DPP6: variants seen among roughly 807,000 people sequenced by gnomAD.
DPP6 encodes dipeptidyl peptidase like 6.
DPP6 carries 69 observed loss-of-function variants against 122.6 expected under a neutral mutation model. The ratio of observed to expected loss-of-function variants is 0.56; its 90% confidence interval spans 0.46 to 0.69. The LOEUF is 0.69. Among genes scored for constraint, DPP6 ranks in the 30% least tolerant of loss-of-function variants. The pLI is 0.00. For missense variants in DPP6, 928 were observed against 1,116.9 expected (o/e 0.83, Z 2.41); for synonymous variants, 418 against 433.1 (o/e 0.97, Z 0.43).
intron 3 of DPP6, among the ~76,000 whole-genome samples, chr7:154,503,090 T>C (rs1444640652): frequency 1.3e-5 from 2 of 152,198 alleles, no homozygotes; most frequent in Admixed American, 1.3e-4. Context: ...TTGCTTCCTC[T>C]GTTTCTGCTC....
intron 1 of DPP6, among the ~76,000 whole-genome samples, chr7:154,401,503 G>A (rs1186591184): frequency 6.6e-6 from 1 of 152,156 alleles, no homozygotes; most frequent in Non-Finnish European, 1.5e-5. Context: ...GAGCCACATA[G>A]GGTATGAAAG....
chr7:154,399,854 A>C (rs1486335186), intron 1 of DPP6, among the ~76,000 whole-genome samples: 2 of 152,228 alleles, frequency 1.3e-5, no homozygotes, highest in Admixed American at 6.5e-5. Context: ...GGGGTGCTTC[A>C]TGGAAGAGAC....
At chr7:153,811,755 G>T in the DPP6 span, among the ~76,000 whole-genome samples, 1 of 152,182 alleles carries the variant, frequency 6.6e-6, no homozygotes, top group South Asian at 2.1e-4. Flanking sequence ...TGAGCTAGAT[G>T]AAGACCATTT....
At chr7:154,259,787 T>G (rs1802878527) in intron 1 of DPP6, among the ~76,000 whole-genome samples, 1 of 152,322 alleles carries the variant, frequency 6.6e-6, no homozygotes, top group Middle Eastern at 3.4e-3. Flanking sequence ...TAATATTTAT[T>G]GAGTTTCTGT....
At chr7:154,454,813 G>A (rs1182555933) in intron 2 of DPP6, among the ~76,000 whole-genome samples, 1 of 152,180 alleles carries the variant, frequency 6.6e-6, no homozygotes, top group African/African-American at 2.4e-5. Flanking sequence ...ATTTGGATAT[G>A]TTGTATTAAT....
chr7:154,587,491 T>C (rs1005622872), intron 5 of DPP6: 1 of 756,138 alleles, frequency 1.3e-6, no homozygotes, highest in African/African-American at 1.8e-5. Context: ...CACAGCTTCA[T>C]GCAAAATATT....
chr7:154,845,986 A>T (rs1258601707), intron 16 of DPP6, among the ~76,000 whole-genome samples: 1 of 152,010 alleles, frequency 6.6e-6, no homozygotes, highest in Admixed American at 6.5e-5. Context: ...GGCCAACAGC[A>T]TGACATGGCC....
chr7:154,341,808 G>A (rs1205658472), intron 1 of DPP6, among the ~76,000 whole-genome samples: 4 of 151,804 alleles, frequency 2.6e-5, no homozygotes, highest in Non-Finnish European at 2.9e-5. Context: ...CTGTTCCTTG[G>A]TTACCTTCTC....
At chr7:154,029,360 CAAA>C (rs540798512) in intron 1 of DPP6, among the ~76,000 whole-genome samples, 1 of 149,624 alleles carries the variant, frequency 6.7e-6, no homozygotes, top group Non-Finnish European at 1.5e-5. Context: ...ACTAAAAATA[CAAA>C]AAAAATAGCT....
At chr7:154,639,042 G>T (rs1447281571) in intron 6 of DPP6, among the ~76,000 whole-genome samples, 2 of 152,184 alleles carry the variant, frequency 1.3e-5, no homozygotes, top group Admixed American at 6.5e-5. Flanking sequence ...TTTAACAGCA[G>T]GAGTGGCTAG....
At chr7:154,513,605 C>T (rs1437197189) in intron 3 of DPP6, among the ~76,000 whole-genome samples, 1 of 152,158 alleles carries the variant, frequency 6.6e-6, no homozygotes, top group East Asian at 1.9e-4. Flanking sequence ...TTTTCATCAG[C>T]TCTGATCATC....
chr7:153,892,099 A>T lies in DPP6; in HGVS notation c.51+4365A>T, dbSNP rs968618422. On this transcript the variant is annotated intron_variant, in intron 1 of 25. Coordinates refer to the DPP6 transcript ENST00000404039. Reference sequence around the variant, plus strand: ...ACGAGCCTAGGATCTTTTCAGAACTATTGTCTTCTCTTTTCTATGTTGGAT... The same window carrying T: ...ACGAGCCTAGGATCTTTTCAGAACTTTTGTCTTCTCTTTTCTATGTTGGAT... Among the ~76,000 whole-genome samples, 6 of 152,284 alleles carry T rather than the reference A, an allele frequency of 3.9e-5. No individual in the cohort carries two copies. In the East Asian group the frequency reaches 1.2e-3, roughly 29 times the overall value.
intron 16 of DPP6, among the ~76,000 whole-genome samples, chr7:154,843,289 G>A (rs529103334): frequency 5.3e-5 from 8 of 152,302 alleles, no homozygotes; most frequent in Non-Finnish European, 7.3e-5. Flanking sequence ...GCAACAGAGC[G>A]AGACCTTGTC....
intron 1 of DPP6, among the ~76,000 whole-genome samples, chr7:154,283,216 C>G (rs1311663168): frequency 6.6e-6 from 1 of 152,198 alleles, no homozygotes; most frequent in South Asian, 2.1e-4. Flanking sequence ...GAGACAGAAG[C>G]GAGTAGAGGC....
chr7:154,201,247 C>A (rs1299876626), intron 1 of DPP6, among the ~76,000 whole-genome samples: 1 of 152,138 alleles, frequency 6.6e-6, no homozygotes. Flanking sequence ...CCTGCCTCAG[C>A]CTGCCGAGTA....
chr7:154,117,218 T>C (rs1807053515), intron 1 of DPP6, among the ~76,000 whole-genome samples: 1 of 152,164 alleles, frequency 6.6e-6, no homozygotes, highest in African/African-American at 2.4e-5. Flanking sequence ...AATACAAGTT[T>C]TAAAGGATGG....
intron 3 of DPP6, among the ~76,000 whole-genome samples, chr7:154,478,047 C>T (rs779098668): frequency 6.6e-6 from 1 of 152,030 alleles, no homozygotes; most frequent in Non-Finnish European, 1.5e-5. Flanking sequence ...TCTCTCTCTT[C>T]CCGCTCCCTA....
chr7:154,563,528 G>C (rs977371028), intron 4 of DPP6, among the ~76,000 whole-genome samples: 3 of 152,196 alleles, frequency 2.0e-5, no homozygotes, highest in Non-Finnish European at 4.4e-5. Context: ...CCTTAGACAA[G>C]GGTAATGGTG....
At chr7:154,504,304 G>A (rs1825495952) in intron 3 of DPP6, among the ~76,000 whole-genome samples, 1 of 152,296 alleles carries the variant, frequency 6.6e-6, no homozygotes, top group South Asian at 2.1e-4. Flanking sequence ...TAAGCATGAA[G>A]ACAGTTACTG....
Sources: allele counts gnomAD v4.1 joint callset (sites outside exome capture counted in the v4.1 genomes callset), GRCh38; gene constraint gnomAD v4.1.1; transcripts MANE v1.5; gene names NCBI Gene and HGNC (gene_info 2026-07-23, HGNC 2026-07-21).